The following SNX13 variants were observed in gnomAD, a reference collection of about 807,000 sequenced individuals.
The protein encoded by SNX13 is sorting nexin 13.
A neutral mutation model predicts 133.6 loss-of-function variants in SNX13; 45 were observed. That is an observed-to-expected ratio of 0.34 (90% CI 0.27 to 0.43). SNX13 has a LOEUF of 0.43. Ranked by LOEUF, SNX13 falls within the 20% of genes least tolerant of loss-of-function variation. SNX13 has a pLI of 1.00. For synonymous variants in SNX13, 414 were observed against 373.9 expected (o/e 1.11, Z -1.24); for missense variants, 1,032 against 1,145.1 (o/e 0.90, Z 1.43).
At chr7:17,876,574 C>CAAAAAAA (rs200148485) in intron 5 of SNX13, among the ~76,000 whole-genome samples, 1 of 120,808 alleles carries the variant, frequency 8.3e-6, no homozygotes. Flanking sequence ...GCTATCTCAT[C>CAAAAAAA]AAAAAAAAAA....
At chr7:17,796,112 G>A (rs1044158506) in intron 25 of SNX13, 3 of 151,490 alleles carry the variant, frequency 2.0e-5, no homozygotes, top group African/African-American at 7.3e-5. Flanking sequence ...TCATTAACAA[G>A]GGGCAAAACA....
chr7:17,803,692 G>T, intron 20 of SNX13, 112 bp from the exon 21 acceptor site: 1 of 936,914 alleles, frequency 1.1e-6, no homozygotes, highest in Non-Finnish European at 1.5e-6. Context: ...GTAATTTTCT[G>T]GTCTATATTA....
At chr7:17,821,802 T>C in intron 17 of SNX13, 154 bp from the exon 18 acceptor site, 2 of 819,174 alleles carry the variant, frequency 2.4e-6, no homozygotes, top group Non-Finnish European at 3.7e-6. Context: ...GACAGAAGGA[T>C]GTCAGCAAAG....
intron 9 of SNX13, among the ~76,000 whole-genome samples, chr7:17,856,088 G>T (rs1265825782): frequency 6.6e-6 from 1 of 152,116 alleles, no homozygotes; most frequent in South Asian, 2.1e-4. Context: ...CCACAGATGT[G>T]GTAGAAATGG....
At chr7:17,920,108 C>T (rs1277257418) in intron 1 of SNX13, among the ~76,000 whole-genome samples, 1 of 152,118 alleles carries the variant, frequency 6.6e-6, no homozygotes, top group East Asian at 1.9e-4. Flanking sequence ...AGTTACCTTG[C>T]GTTTCACAAT....
chr7:17,870,988 G>A (rs191128474), intron 8 of SNX13, among the ~76,000 whole-genome samples: 1 of 151,884 alleles, frequency 6.6e-6, no homozygotes, highest in African/African-American at 2.4e-5. Flanking sequence ...TAGAATAAGA[G>A]GAATCGGGTT....
At chr7:17,915,456 A>T (rs142154527) in intron 1 of SNX13, among the ~76,000 whole-genome samples, 266 of 152,304 alleles carry the variant, frequency 1.7e-3, no homozygotes, top group African/African-American at 6.1e-3. Flanking sequence ...TAAGCCCGTC[A>T]ATGATATGCG....
At chr7:17,856,509 G>A (rs1359960337) in intron 9 of SNX13, among the ~76,000 whole-genome samples, 1 of 152,086 alleles carries the variant, frequency 6.6e-6, no homozygotes, top group Non-Finnish European at 1.5e-5. Flanking sequence ...GCAGCTGAAT[G>A]TAGGCCAGGT....
chr7:17,932,511 A>T (rs1369658470), intron 1 of SNX13, among the ~76,000 whole-genome samples: 1 of 152,206 alleles, frequency 6.6e-6, no homozygotes, highest in Admixed American at 6.5e-5. Flanking sequence ...ATTTTTCTTG[A>T]GGAAATATTC....
chr7:17,909,699 C>T (rs997431164), intron 1 of SNX13, among the ~76,000 whole-genome samples: 2 of 151,984 alleles, frequency 1.3e-5, no homozygotes, highest in African/African-American at 4.8e-5. Context: ...AAAATACACA[C>T]TGGCACCTGT....
chr7:17,871,782 G>T (rs1794147487), intron 8 of SNX13, among the ~76,000 whole-genome samples: 1 of 152,156 alleles, frequency 6.6e-6, no homozygotes, highest in African/African-American at 2.4e-5. Context: ...TACTGCAACA[G>T]TTGCTGGATA....
At chr7:17,828,545 T>C (rs140569683) in intron 16 of SNX13, among the ~76,000 whole-genome samples, 1 of 151,812 alleles carries the variant, frequency 6.6e-6, no homozygotes, top group African/African-American at 2.4e-5. Flanking sequence ...CTTTGTTTAG[T>C]ACATTGGAAT....
intron 7 of SNX13, among the ~76,000 whole-genome samples, chr7:17,874,207 A>T (rs1426422044): frequency 3.3e-5 from 5 of 152,312 alleles, no homozygotes; most frequent in African/African-American, 1.2e-4. Flanking sequence ...GATTTTTTTC[A>T]GTAAATATAT....
At chr7:17,798,922 C>T in intron 23 of SNX13, 87 bp downstream of exon 23, 8 of 1,475,080 alleles carry the variant, frequency 5.4e-6, no homozygotes, top group Non-Finnish European at 6.4e-6. Context: ...AAAAATTCTC[C>T]TACAAAGGTT....
intron 20 of SNX13, among the ~76,000 whole-genome samples, chr7:17,807,468 G>A (rs1785441648): frequency 6.6e-6 from 1 of 152,232 alleles, no homozygotes; most frequent in Non-Finnish European, 1.5e-5. Flanking sequence ...ACCCCAGACA[G>A]GGGCTTATAG....
In SNX13 at chr7:17,919,934, C is replaced by T. The variant is rs557314891; in HGVS notation, c.12+20350G>A. Among the ~76,000 whole-genome samples, 92 of 152,070 alleles carry T rather than the reference C, an allele frequency of 6.0e-4. 1 individual carries two copies. The highest frequency in any genetic ancestry group is 1.1e-3 in the Non-Finnish European group (78 of 67,954). On this transcript the variant is annotated intron_variant, in intron 1 of 25. Coordinates refer to ENST00000428135, the MANE Select transcript of SNX13 (RefSeq NM_015132.5). ...TCATTTGAGGCCAGGAGTTCAAAAC[C>T]AGCCTAGGCAACAGTGTAAGACCCC...
At chr7:17,812,771 T>C in intron 20 of SNX13, among the ~76,000 whole-genome samples, 1 of 152,068 alleles carries the variant, frequency 6.6e-6, no homozygotes, top group East Asian at 1.9e-4. Context: ...ATAGACTGGA[T>C]AAAGGAAATG....
At chr7:17,819,007 TTA>T (rs1403446498) in intron 18 of SNX13, among the ~76,000 whole-genome samples, 1 of 152,178 alleles carries the variant, frequency 6.6e-6, no homozygotes, top group Non-Finnish European at 1.5e-5. Context: ...AGGCAAGGAC[TTA>T]GTCTGTCTTG....
At chr7:17,853,706 G>C (rs1791519490) in intron 9 of SNX13, among the ~76,000 whole-genome samples, 1 of 152,330 alleles carries the variant, frequency 6.6e-6, no homozygotes, top group Admixed American at 6.5e-5. Context: ...CACTTTGGGA[G>C]GCTGAGGCGG....
Sources: gnomAD v4.1 joint callset for allele counts (sites outside exome capture counted in the v4.1 genomes callset) on GRCh38, gnomAD v4.1.1 for gene constraint, MANE v1.5 for transcripts, NCBI Gene and HGNC (gene_info 2026-07-23, HGNC 2026-07-21) for gene names.